Variants in OTUD5 observed in about 807,000 individuals in gnomAD.
OTUD5 encodes OTU domain-containing protein 5.
Under a neutral mutation model 36.3 loss-of-function variants are expected in OTUD5, and 2 were observed. That is an observed-to-expected ratio of 0.06 (90% CI 0.02 to 0.17). OTUD5 has a LOEUF of 0.17. Ranked by LOEUF, OTUD5 falls within the 10% of genes least tolerant of loss-of-function variation. OTUD5 has a pLI of 1.00. For missense variants in OTUD5, 233 were observed against 512.3 expected, an observed-to-expected ratio of 0.45 and a Z score of 5.26; for synonymous variants, 234 against 214.9, an observed-to-expected ratio of 1.09 and a Z score of -0.78.
chrX:48,923,020 G>A lies in OTUD5; in HGVS notation c.*154C>T, dbSNP rs2063605309. 5 of 1,128,009 alleles carry A rather than the reference G, an allele frequency of 4.4e-6. No homozygotes were observed. Among genetic ancestry groups the A allele is most frequent in the Non-Finnish European group, 5.8e-6 (5 of 855,758 alleles). The allele number at this position is 1,128,009 out of a possible 1,213,427, so 93.0% of individuals were successfully genotyped here. Reference sequence around the variant, plus strand: ...CAGCGGCAATGAGAGAGAGTGCAGGGGTGGGCTAGCCAGAGGGAAGTGAGG... The same window carrying A: ...CAGCGGCAATGAGAGAGAGTGCAGGAGTGGGCTAGCCAGAGGGAAGTGAGG... On this transcript the variant is annotated 3_prime_UTR_variant, in exon 9 of 9. Coordinates refer to ENST00000376488, the MANE Select transcript of OTUD5 (RefSeq NM_001136157.2).
chrX:48,945,793 C>G (rs2064017489), intron 1 of OTUD5, among the ~76,000 whole-genome samples: 1 of 111,117 alleles, frequency 9.0e-6, no homozygotes, highest in African/African-American at 3.3e-5. Context: ...CAAAGCACAC[C>G]TGGCACCACG....
intron 1 of OTUD5, among the ~76,000 whole-genome samples, chrX:48,950,527 T>C (rs1028884313): frequency 1.9e-5 from 2 of 106,557 alleles, no homozygotes; most frequent in East Asian, 2.9e-4. Flanking sequence ...CAGAATAAAC[T>C]TCTCTCTCTC....
At chrX:48,927,595 A>G (rs1280848215) in intron 5 of OTUD5, among the ~76,000 whole-genome samples, 1 of 111,822 alleles carries the variant, frequency 8.9e-6, no homozygotes, top group Non-Finnish European at 1.9e-5. Context: ...ACAGAGTGAG[A>G]TATGGGGGAA....
intron 2 of OTUD5, among the ~76,000 whole-genome samples, chrX:48,942,322 A>G (rs1024870614): frequency 2.8e-5 from 3 of 105,783 alleles, no homozygotes; most frequent in Non-Finnish European, 5.8e-5. Context: ...ACACACACAC[A>G]CACACACACA....
At position 48,957,203 on chromosome X, in the gene OTUD5, C is replaced by A; in HGVS notation, c.368G>T (p.Gly123Val). ...PGDALGAAAAGVGAAGVVVGV... is the reference protein window; with the variant it reads ...PGDALGAAAAVVGAAGVVVGV... ...CACCACCACGCCCGCGGCACCCACACCCGCCGCCGCTGCGCCCAGCGCGTC... is the reference window on the plus strand; with the variant it reads ...CACCACCACGCCCGCGGCACCCACAACCGCCGCCGCTGCGCCCAGCGCGTC... Residue 123 changes from glycine (G) to valine (V), a missense_variant, in exon 1 of 9, where the codon GGT (glycine) becomes GTT (valine). Coordinates refer to ENST00000376488, the MANE Select transcript of OTUD5 (RefSeq NM_001136157.2). 1 of 1,108,213 alleles carries A rather than the reference C, an allele frequency of 9.0e-7. No homozygotes were observed. The allele number at this position is 1,108,213 out of a possible 1,213,427, so 91.3% of individuals were successfully genotyped here.
At chrX:48,933,739 T>C (rs1557049313) in intron 5 of OTUD5, among the ~76,000 whole-genome samples, 2 of 111,915 alleles carry the variant, frequency 1.8e-5, no homozygotes, top group Admixed American at 1.9e-4. Flanking sequence ...ATTCTGTAAA[T>C]CTAAACCTGC....
chrX:48,957,011 C>T lies in OTUD5; in HGVS notation c.560G>A (p.Arg187His). 1 of 1,196,490 alleles carries T rather than the reference C, an allele frequency of 8.4e-7. No individual in the cohort carries two copies. Among genetic ancestry groups the T allele is most frequent in the African/African-American group, 1.8e-5 (1 of 57,076 alleles). Reference sequence around the variant, plus strand: ...AGTGGCAGGGTCCATAGCCTCGATGCGTGCTGCAGCCGCCTCATACTCGTC... The same window carrying T: ...AGTGGCAGGGTCCATAGCCTCGATGTGTGCTGCAGCCGCCTCATACTCGTC... The part of the protein sequence containing the change: ...SEDEYEAAAA[R>H]IEAMDPATVE... Residue 187 changes from arginine to histidine, a missense_variant, in exon 1 of 9, where the codon CGC becomes CAC. Arg to His is a conservative substitution (Grantham distance 29). Around this residue, in one of 3 missense-constraint regions of OTUD5, gnomAD observed 155 missense variants for 217.2 expected, o/e 0.71. Coordinates refer to ENST00000376488, the MANE Select transcript of OTUD5 (RefSeq NM_001136157.2).
chrX:48,922,953 G>T lies in OTUD5; in HGVS notation c.*221C>A. The stretch of plus-strand genomic sequence containing the variant: ...GGTTCTGTGCGGGATGGGGTGGGGG[G>T]CAACAGGGCACATCAGCTGGCAGAG... On this transcript the variant is annotated 3_prime_UTR_variant, in exon 9 of 9. Transcript: ENST00000376488. The T allele has an allele frequency of 1.9e-6, 2 of 1,052,712 alleles. No homozygotes were observed. Among genetic ancestry groups the T allele is most frequent in the Non-Finnish European group, 2.4e-6 (2 of 818,439 alleles). 86.8% of individuals were successfully genotyped at this position (1,052,712 alleles called of 1,213,427 possible). A position where few individuals can be genotyped will look rare whatever the true frequency, so the allele number is the denominator to read the frequency against.
intron 6 of OTUD5, among the ~76,000 whole-genome samples, chrX:48,924,609 G>A (rs900571992): frequency 1.8e-5 from 2 of 111,686 alleles, no homozygotes; most frequent in African/African-American, 3.3e-5. Flanking sequence ...CATTCTGTTC[G>A]GATACACCGG....
chrX:48,924,763 G>A (rs988998615), intron 6 of OTUD5, among the ~76,000 whole-genome samples: 3 of 112,113 alleles, frequency 2.7e-5, no homozygotes, highest in African/African-American at 9.7e-5. Context: ...ATTTCATACC[G>A]TGAACGCACA....
At chrX:48,936,395 T>G (rs1223883536) in intron 2 of OTUD5, 1 of 111,591 alleles carries the variant, frequency 9.0e-6, no homozygotes, top group Non-Finnish European at 1.9e-5. Context: ...TTTATTTATT[T>G]ATTTGAGACA....
At chrX:48,934,918 A>ACCCTGC in intron 3 of OTUD5, 36 bp downstream of exon 3, 1 of 1,204,285 alleles carries the variant, frequency 8.3e-7, no homozygotes, top group Non-Finnish European at 1.1e-6. Context: ...AAATCCTCCC[A>ACCCTGC]CCCTGCCCCT....
chrX:48,942,652 G>C (rs1428888361), intron 2 of OTUD5, among the ~76,000 whole-genome samples: 4 of 108,146 alleles, frequency 3.7e-5, no homozygotes, highest in African/African-American at 1.4e-4. Context: ...CAGTCCAATA[G>C]AGCCCATTGC....
At chrX:48,955,750 A>G (rs2064226464) in intron 1 of OTUD5, among the ~76,000 whole-genome samples, 1 of 111,318 alleles carries the variant, frequency 9.0e-6, no homozygotes, top group Non-Finnish European at 1.9e-5. Context: ...CCTGTTACAG[A>G]GGGGAAAATG....
rs782029348 is a variant in OTUD5, at chrX:48,928,908, C to T, written c.1060-2858G>A. 2.8e-5 allele frequency among the ~76,000 whole-genome samples: 3 copies of T among 107,676 alleles called. No individual in the cohort carries two copies. In the South Asian group the frequency reaches 1.2e-3, roughly 43 times the overall value. The allele number at this position is 107,676 out of a possible 115,157, so 93.5% of individuals were successfully genotyped here. A position where few individuals can be genotyped will look rare whatever the true frequency, so the allele number is the denominator to read the frequency against. ...ATGACATTCTGAAAAAGGCAACCCA[C>T]AAAGACAATAGTGTTTGCAGGAAGA... On this transcript the variant is annotated intron_variant, in intron 5 of 8. Transcript: ENST00000376488.
At position 48,922,982 on chromosome X, in the gene OTUD5, C is replaced by A; in HGVS notation, c.*192G>T. On this transcript the variant is annotated 3_prime_UTR_variant, in exon 9 of 9. Coordinates refer to ENST00000376488, the MANE Select transcript of OTUD5 (RefSeq NM_001136157.2). ...CAGGGCACATCAGCTGGCAGAGAGA[C>A]AGGTGATAGTGGCAGCGGCAATGAG... 1 of 1,077,347 alleles carries A rather than the reference C, an allele frequency of 9.3e-7. No individual in the cohort carries two copies. The highest frequency in any genetic ancestry group is 1.2e-6 in the Non-Finnish European group (1 of 831,945). The allele number at this position is 1,077,347 out of a possible 1,213,427, so 88.8% of individuals were successfully genotyped here.
intron 2 of OTUD5, among the ~76,000 whole-genome samples, chrX:48,938,042 T>A (rs1238433307): frequency 1.8e-5 from 2 of 112,085 alleles, no homozygotes; most frequent in African/African-American, 6.5e-5. Context: ...TAATATCGAA[T>A]TAACAATACA....
At chrX:48,933,342 T>A (rs1265810711) in intron 5 of OTUD5, among the ~76,000 whole-genome samples, 1 of 111,577 alleles carries the variant, frequency 9.0e-6, no homozygotes, top group Non-Finnish European at 1.9e-5. Context: ...ATTGGCTCAT[T>A]AACTATGACA....
At chrX:48,945,302 A>C in intron 1 of OTUD5, among the ~76,000 whole-genome samples, 3 of 78,957 alleles carry the variant, frequency 3.8e-5, no homozygotes, top group East Asian at 3.6e-4. Context: ...ATGCAGTCTC[A>C]CTCTTTTGCC....
Sources: allele counts gnomAD v4.1 joint callset (sites outside exome capture counted in the v4.1 genomes callset), GRCh38; gene constraint gnomAD v4.1.1; regional missense constraint gnomAD v4.1.1; transcripts MANE v1.5; gene names NCBI Gene and HGNC (gene_info 2026-07-23, HGNC 2026-07-21).